Variants in OSBPL10 observed in about 807,000 individuals in gnomAD.
OSBPL10 encodes the protein oxysterol binding protein like 10, also known as oxysterol-binding protein-related protein 10.
OSBPL10 carries 49 observed loss-of-function variants against 81.7 expected under a neutral mutation model. That is an observed-to-expected ratio of 0.60 (90% confidence interval 0.48 to 0.76). The LOEUF (loss-of-function observed/expected upper bound fraction) is 0.76. OSBPL10 is among the 30% of genes least tolerant of loss of function. The pLI, the probability that OSBPL10 is intolerant of heterozygous loss-of-function variation, is 0.00. For missense variants in OSBPL10, 923 were observed against 987.8 expected, an observed-to-expected ratio of 0.93 and a Z score of 0.88; for synonymous variants, 419 against 383.6, an observed-to-expected ratio of 1.09 and a Z score of -1.08.
At chr3:32,059,516 G>A (rs774549054) in intron 1 of OSBPL10, among the ~76,000 whole-genome samples, 14 of 151,434 alleles carry the variant, frequency 9.2e-5, no homozygotes, top group East Asian at 2.0e-4. Flanking sequence ...GCTTGAACCC[G>A]GGAGGTGGAG....
At chr3:31,850,209 C>G (rs1700729648) in intron 3 of OSBPL10, among the ~76,000 whole-genome samples, 1 of 152,002 alleles carries the variant, frequency 6.6e-6, no homozygotes, top group South Asian at 2.1e-4. Context: ...TCACACACAC[C>G]TGTAGTCCTA....
chr3:31,862,322 C>T (rs1393464750), intron 3 of OSBPL10, among the ~76,000 whole-genome samples: 2 of 152,104 alleles, frequency 1.3e-5, no homozygotes, highest in Non-Finnish European at 1.5e-5. Flanking sequence ...AAAGTATAAG[C>T]TCAAATCAAA....
chr3:31,702,248 A>T, intron 7 of OSBPL10, 111 bp downstream of exon 7: 1 of 1,309,020 alleles, frequency 7.6e-7, no homozygotes, highest in Admixed American at 2.5e-5. Flanking sequence ...CTTTTTCCCC[A>T]CTCTTCTTCT....
chr3:31,714,425 TAAGG>T (rs1235036009), intron 6 of OSBPL10, among the ~76,000 whole-genome samples: 1 of 151,696 alleles, frequency 6.6e-6, no homozygotes, highest in Non-Finnish European at 1.5e-5. Flanking sequence ...AGCAGGCAGG[TAAGG>T]AAGAGAGAGA....
At chr3:31,897,578 A>G (rs1201019993) in intron 1 of OSBPL10, among the ~76,000 whole-genome samples, 2 of 152,238 alleles carry the variant, frequency 1.3e-5, no homozygotes, top group African/African-American at 4.8e-5. Context: ...AAAAAGCCAC[A>G]TGTAGATTCA....
intron 1 of OSBPL10, among the ~76,000 whole-genome samples, chr3:31,907,965 G>A (rs769756631): frequency 7.9e-5 from 12 of 152,300 alleles, no homozygotes; most frequent in East Asian, 7.7e-4. Context: ...CTGGGAAAAG[G>A]CTGCGGTGGA....
At chr3:31,756,735 A>C (rs370445971) in intron 4 of OSBPL10, among the ~76,000 whole-genome samples, 1 of 152,364 alleles carries the variant, frequency 6.6e-6, no homozygotes, top group East Asian at 1.9e-4. Context: ...TGATGGGGAC[A>C]TGGAAATTCA....
chr3:31,886,778 A>G (rs1021753134), intron 1 of OSBPL10, among the ~76,000 whole-genome samples: 2 of 151,952 alleles, frequency 1.3e-5, no homozygotes, highest in East Asian at 3.9e-4. Flanking sequence ...CGTCTCTACT[A>G]AAAATACAAA....
At chr3:32,050,670 T>C (rs945626185) in intron 1 of OSBPL10, among the ~76,000 whole-genome samples, 35 of 152,012 alleles carry the variant, frequency 2.3e-4, no homozygotes, top group Admixed American at 2.0e-3. Context: ...GATTTTTTTT[T>C]TTTTTTTTGA....
At chr3:31,950,306 A>T (rs1335735329) in intron 1 of OSBPL10, among the ~76,000 whole-genome samples, 2 of 152,184 alleles carry the variant, frequency 1.3e-5, no homozygotes, top group Non-Finnish European at 2.9e-5. Flanking sequence ...CAAAAGACCC[A>T]AGCTGGAATT....
intron 3 of OSBPL10, among the ~76,000 whole-genome samples, chr3:31,854,019 G>A (rs753890271): frequency 4.6e-5 from 7 of 152,100 alleles, no homozygotes; most frequent in Admixed American, 6.6e-5. Context: ...TTAACACTGC[G>A]CCTGGCATTT....
intron 3 of OSBPL10, among the ~76,000 whole-genome samples, chr3:31,854,144 T>G (rs1304045130): frequency 1.3e-5 from 2 of 151,870 alleles, no homozygotes; most frequent in Non-Finnish European, 2.9e-5. Context: ...AGTAAAGTTT[T>G]TTTTTTTTTT....
chr3:31,849,794 T>G (rs1299594038), intron 3 of OSBPL10, among the ~76,000 whole-genome samples: 5 of 152,132 alleles, frequency 3.3e-5, no homozygotes, highest in African/African-American at 1.2e-4. Flanking sequence ...TCCCAGCACT[T>G]TGGGAGGCCA....
intron 1 of OSBPL10, among the ~76,000 whole-genome samples, chr3:32,048,985 A>T (rs772701958): frequency 2.0e-5 from 3 of 152,162 alleles, no homozygotes. Flanking sequence ...TACCAGTGCT[A>T]TGACAGTTTA....
Position 32,056,685 on chromosome 3 carries a change from C to T in OSBPL10, n.186-10082G>A, listed in dbSNP as rs145353624. ...GCCCCTATTCAGCCCGAAGAAATTA[C>T]AGAAGATGGACCTTCGTCCCTCTGC... is the stretch of plus-strand genomic sequence containing the variant. On this transcript the variant is annotated intron_variant and non_coding_transcript_variant, in intron 1 of 3. Coordinates refer to the OSBPL10 transcript ENST00000479173. 3.0e-4 allele frequency among the ~76,000 whole-genome samples: 46 copies of T among 152,308 alleles called. No homozygotes were observed. In the East Asian group the frequency reaches 7.7e-3, roughly 26 times the overall value.
In OSBPL10 at chr3:31,868,102, T is replaced by C. The variant is rs115297411; in HGVS notation, c.537+8331A>G. 3.0e-3 allele frequency among the ~76,000 whole-genome samples: 450 copies of C among 150,712 alleles called. 3 individuals are homozygous for C. The highest frequency in any genetic ancestry group is 0.01 in the African/African-American group (424 of 41,128). ...CAGGACGGACCTCCAAATGGAGTCA[T>C]GTGTCTCTCTGCATTTTTCCACATT... On this transcript the variant is annotated intron_variant, in intron 3 of 11. Coordinates refer to ENST00000396556, the MANE Select transcript of OSBPL10 (RefSeq NM_017784.5).
chr3:31,708,743 AT>A (rs1696156081), intron 6 of OSBPL10: 1 of 985,266 alleles, frequency 1.0e-6, no homozygotes, highest in South Asian at 4.7e-5. Flanking sequence ...CACAGGTGAG[AT>A]TTCTCCTCTG....
intron 1 of OSBPL10, among the ~76,000 whole-genome samples, chr3:31,886,139 A>G (rs1484784881): frequency 6.6e-6 from 1 of 152,156 alleles, no homozygotes; most frequent in African/African-American, 2.4e-5. Context: ...CATGAAAAAA[A>G]TCTTTCTTTG....
intron 4 of OSBPL10, among the ~76,000 whole-genome samples, chr3:31,798,541 T>C (rs1699297952): frequency 6.6e-6 from 1 of 152,104 alleles, no homozygotes; most frequent in Admixed American, 6.5e-5. Flanking sequence ...CTATAATATT[T>C]TGGATATGAG....
Sources: gnomAD v4.1 joint callset for allele counts (sites outside exome capture counted in the v4.1 genomes callset) on GRCh38, gnomAD v4.1.1 for gene constraint, MANE v1.5 for transcripts, NCBI Gene and HGNC (gene_info 2026-07-23, HGNC 2026-07-21) for gene names.